TMEM144: variants seen among roughly 807,000 people sequenced by gnomAD.
TMEM144 encodes transmembrane protein 144.
A neutral mutation model predicts 43.6 loss-of-function variants in TMEM144; 39 were observed. The ratio of observed to expected loss-of-function variants is 0.90; its 90% CI spans 0.69 to 1.17. TMEM144 has a LOEUF of 1.17. Ranked by LOEUF, TMEM144 falls within the 50% of genes most tolerant of loss-of-function variation. TMEM144 has a pLI of 0.00. For synonymous variants in TMEM144, 154 were observed against 133.6 expected, an observed-to-expected ratio of 1.15 and a Z score of -1.06; for missense variants, 417 against 411.9, an observed-to-expected ratio of 1.01 and a Z score of -0.11.
intron 12 of TMEM144, among the ~76,000 whole-genome samples, chr4:158,250,211 TATATATATATA>T (rs1442442381): frequency 3.7e-5 from 4 of 107,670 alleles, no homozygotes; most frequent in Non-Finnish European, 7.7e-5. Flanking sequence ...TATATATATA[TATATATATATA>T]TATATATAGT....
chr4:158,224,856 C>G (rs763220008), intron 6 of TMEM144, among the ~76,000 whole-genome samples: 1 of 152,174 alleles, frequency 6.6e-6, no homozygotes, highest in Non-Finnish European at 1.5e-5. Context: ...AGCTCCCAGT[C>G]TACTGATGTT....
chr4:158,211,942 T>C (rs1733978860), intron 2 of TMEM144: 1 of 152,146 alleles, frequency 6.6e-6, no homozygotes, highest in Admixed American at 6.5e-5. Flanking sequence ...TGAAATAAAA[T>C]AACAAGGAAA....
chr4:158,215,784 C>T (rs546385942), intron 4 of TMEM144, among the ~76,000 whole-genome samples: 94 of 152,236 alleles, frequency 6.2e-4, no homozygotes, highest in African/African-American at 2.2e-3. Context: ...TTCCTGTTGC[C>T]TTATCAGTAC....
intron 7 of TMEM144, chr4:158,235,207 T>C: frequency 2.2e-6 from 1 of 463,116 alleles, no homozygotes; most frequent in Non-Finnish European, 3.9e-6. Context: ...TAGCCACATA[T>C]TAAATGTGAG....
intron 3 of TMEM144, 107 bp from the exon 4 acceptor site, chr4:158,215,084 A>G: frequency 2.9e-6 from 4 of 1,380,060 alleles, no homozygotes; most frequent in Non-Finnish European, 4.1e-6. Context: ...GGCATATGGC[A>G]TTTAATAAAT....
chr4:158,246,793 T>A (rs1343967934), intron 12 of TMEM144, among the ~76,000 whole-genome samples: 1 of 152,012 alleles, frequency 6.6e-6, no homozygotes, highest in Non-Finnish European at 1.5e-5. Context: ...AAATTAGTCA[T>A]CATAGTTTAT....
chr4:158,212,592 T>G lies in TMEM144; in HGVS notation c.-60-16T>G, dbSNP rs1178955668. The G allele has an allele frequency of 9.3e-7, 1 of 1,074,788 alleles. No individual in the cohort carries two copies. Among genetic ancestry groups the G allele is most frequent in the Non-Finnish European group, 1.4e-6 (1 of 737,894 alleles). The allele number at this position is 1,074,788 out of a possible 1,614,324, so 66.6% of individuals were successfully genotyped here. ...AGATTCACGTCTCAATTGTTTCATT[T>G]TTTCTTTTATTTCAGAAGCTCCTGA... On this transcript the variant is annotated splice_polypyrimidine_tract_variant and intron_variant, in intron 2 of 12. Coordinates refer to ENST00000296529, the MANE Select transcript of TMEM144 (RefSeq NM_018342.5).
At position 158,254,544 on chromosome 4, in the gene TMEM144, C is replaced by T. The variant is rs1254738829; in HGVS notation, c.*1017C>T. Reference sequence around the variant, plus strand: ...CGGCTGAAGTAGGAGGGTCACTTAGCCCAAGAGTGCAAATCTGCCAGCCTA... The same window carrying T: ...CGGCTGAAGTAGGAGGGTCACTTAGTCCAAGAGTGCAAATCTGCCAGCCTA... On this transcript the variant is annotated 3_prime_UTR_variant, in exon 13 of 13. Coordinates refer to ENST00000296529, the MANE Select transcript of TMEM144 (RefSeq NM_018342.5). 1 of 150,562 alleles carries T rather than the reference C, an allele frequency of 6.6e-6. No homozygotes were observed. Among genetic ancestry groups the T allele is most frequent in the Non-Finnish European group, 1.5e-5 (1 of 67,684 alleles). The allele number at this position is 150,562 out of a possible 1,614,324, so 9.3% of individuals were successfully genotyped here. A position where few individuals can be genotyped will look rare whatever the true frequency, so the allele number is the denominator to read the frequency against.
intron 7 of TMEM144, chr4:158,233,870 A>G (rs1447809720): frequency 6.6e-6 from 1 of 152,230 alleles, no homozygotes; most frequent in African/African-American, 2.4e-5. Flanking sequence ...TTATTAATCC[A>G]CAGGCATCTC....
At chr4:158,249,651 T>C (rs540935228) in intron 12 of TMEM144, among the ~76,000 whole-genome samples, 1 of 152,218 alleles carries the variant, frequency 6.6e-6, no homozygotes, top group South Asian at 2.1e-4. Context: ...CGCTTAGCAA[T>C]GTATTCACGT....
intron 6 of TMEM144, among the ~76,000 whole-genome samples, chr4:158,225,022 C>A (rs1734692437): frequency 6.6e-6 from 1 of 152,156 alleles, no homozygotes; most frequent in Non-Finnish European, 1.5e-5. Flanking sequence ...ACAGAGCAAG[C>A]TTTGATATCT....
rs767728317 is a variant in TMEM144, at chr4:158,235,433, A to C, written c.496-5A>C. On this transcript the variant is annotated splice_polypyrimidine_tract_variant and splice_region_variant and intron_variant, in intron 7 of 12. Transcript: ENST00000296529. ...TGTTTTAATTTGGGCCAATGTTTTCAATAGGTGATCAACACAACCCAAGAC... is the reference window on the plus strand; with the variant it reads ...TGTTTTAATTTGGGCCAATGTTTTCCATAGGTGATCAACACAACCCAAGAC... 9 of 1,613,668 alleles carry C rather than the reference A, an allele frequency of 5.6e-6. No individual in the cohort carries two copies. The highest frequency in any genetic ancestry group is 6.8e-6 in the Non-Finnish European group (8 of 1,179,774).
chr4:158,250,414 G>T (rs1478965003), intron 12 of TMEM144, among the ~76,000 whole-genome samples: 3 of 152,002 alleles, frequency 2.0e-5, no homozygotes, highest in Non-Finnish European at 2.9e-5. Context: ...GGAAGTGTGA[G>T]GGAAGTAGGC....
chr4:158,237,445 C>A, intron 8 of TMEM144, 80 bp from the exon 9 acceptor site: 1 of 1,094,026 alleles, frequency 9.1e-7, no homozygotes, highest in South Asian at 1.5e-5. Flanking sequence ...CCTTTTGAAG[C>A]ATGTTTATGA....
chr4:158,217,916 C>A (rs1030456806), intron 5 of TMEM144, among the ~76,000 whole-genome samples: 14 of 152,158 alleles, frequency 9.2e-5, no homozygotes, highest in Non-Finnish European at 1.3e-4. Flanking sequence ...GGTTTCCCAG[C>A]CATTTCTATA....
At position 158,253,759 on chromosome 4, in the gene TMEM144, T is replaced by G; in HGVS notation, c.*232T>G. 2.0e-6 allele frequency: 1 copy of G among 491,550 alleles called. No individual in the cohort carries two copies. 30.4% of individuals were successfully genotyped at this position (491,550 alleles called of 1,614,324 possible). A position where few individuals can be genotyped will look rare whatever the true frequency, so the allele number is the denominator to read the frequency against. On this transcript the variant is annotated 3_prime_UTR_variant, in exon 13 of 13. Transcript: ENST00000296529. Reference sequence around the variant, plus strand: ...ATGAACTGTTTATGAAGGTAGTACTTTACTGGGTGACTAAAATGTCTACAT... The same window carrying G: ...ATGAACTGTTTATGAAGGTAGTACTGTACTGGGTGACTAAAATGTCTACAT...
intron 6 of TMEM144, among the ~76,000 whole-genome samples, chr4:158,225,210 T>C (rs1734702649): frequency 1.3e-5 from 2 of 152,212 alleles, no homozygotes; most frequent in Admixed American, 1.3e-4. Context: ...AAACCCTGTC[T>C]AGTTGTTTTT....
chr4:158,214,276 C>T (rs1734109813), intron 3 of TMEM144, among the ~76,000 whole-genome samples: 1 of 152,170 alleles, frequency 6.6e-6, no homozygotes, highest in African/African-American at 2.4e-5. Context: ...AGTCCACCTA[C>T]TTTGGCCTCC....
At chr4:158,250,789 A>G (rs1736163531) in intron 12 of TMEM144, among the ~76,000 whole-genome samples, 1 of 152,196 alleles carries the variant, frequency 6.6e-6, no homozygotes, top group African/African-American at 2.4e-5. Flanking sequence ...ATTAGCCTCT[A>G]ACAGCCCAGG....
Sources: gnomAD v4.1 joint callset for allele counts (sites outside exome capture counted in the v4.1 genomes callset) on GRCh38, gnomAD v4.1.1 for gene constraint, MANE v1.5 for transcripts, NCBI Gene and HGNC (gene_info 2026-07-23, HGNC 2026-07-21) for gene names.